The following AKAP6 variants were observed in gnomAD, a reference collection of about 807,000 sequenced individuals.
AKAP6 encodes A-kinase anchor protein 6.
Under a neutral mutation model 188.5 loss-of-function variants are expected in AKAP6, and 58 were observed. The ratio of observed to expected loss-of-function variants is 0.31; its 90% CI spans 0.25 to 0.38. AKAP6 has a LOEUF of 0.38. Among genes scored for constraint, AKAP6 ranks in the 10% least tolerant of loss-of-function variants. AKAP6 has a pLI of 1.00. For missense variants in AKAP6, 2,710 were observed against 2,740.0 expected (o/e 0.99, Z 0.24); for synonymous variants, 989 against 998.6 (o/e 0.99, Z 0.18).
intron 7 of AKAP6, among the ~76,000 whole-genome samples, chr14:32,610,813 A>T (rs1886320632): frequency 6.6e-6 from 1 of 152,214 alleles, no homozygotes; most frequent in Admixed American, 6.6e-5. Context: ...AGCATACAGT[A>T]TCCATGTGTT....
chr14:32,361,090 T>C (rs1156482960), intron 1 of AKAP6, among the ~76,000 whole-genome samples: 1 of 133,550 alleles, frequency 7.5e-6, no homozygotes, highest in East Asian at 2.7e-4. Context: ...CTTTGGAGGG[T>C]CATCTTAGAT....
Position 32,433,551 on chromosome 14 carries a change from G to A in AKAP6, c.58G>A (p.Ala20Thr), listed in dbSNP as rs1318863012. 1.9e-6 allele frequency: 3 copies of A among 1,614,146 alleles called. No individual in the cohort carries two copies. The highest frequency in any genetic ancestry group is 1.7e-5 in the Admixed American group (1 of 60,018). ...GAGGTCACAGGACCTGGATCCCATG[G>A]CTACTGATGCTTCACCCATGGCCAT... ...PLRSQDLDPM[A>T]TDASPMAINM... The change falls in exon 2 of 14, where the codon GCT becomes ACT. Residue 20 changes from alanine to threonine, a missense_variant. This residue lies in a region of AKAP6 where 237 missense variants were observed against 313.9 expected (regional missense o/e 0.76). Transcript: ENST00000280979.
intron 12 of AKAP6, among the ~76,000 whole-genome samples, chr14:32,816,140 A>G (rs534814289): frequency 2.6e-5 from 4 of 152,296 alleles, no homozygotes; most frequent in South Asian, 4.1e-4. Flanking sequence ...CTTAAAAGTT[A>G]TCTTTCCATT....
At chr14:32,435,902 C>A (rs527242371) in intron 2 of AKAP6, among the ~76,000 whole-genome samples, 2 of 152,140 alleles carry the variant, frequency 1.3e-5, no homozygotes, top group East Asian at 3.8e-4. Context: ...CTCTTTTATT[C>A]GTATAATATT....
chr14:32,643,797 A>G (rs1430390589), intron 7 of AKAP6, among the ~76,000 whole-genome samples: 1 of 152,194 alleles, frequency 6.6e-6, no homozygotes, highest in Non-Finnish European at 1.5e-5. Flanking sequence ...GAAAATGGAC[A>G]TGTGAACTGT....
chr14:32,569,782 A>T (rs1053537762), intron 4 of AKAP6, among the ~76,000 whole-genome samples: 2 of 152,178 alleles, frequency 1.3e-5, no homozygotes, highest in African/African-American at 2.4e-5. Flanking sequence ...CCTTATTTAG[A>T]GCCTAAACAA....
rs541719710 is a variant in AKAP6, at chr14:32,464,693, G to A, written c.324+30876G>A. 2.0e-5 allele frequency among the ~76,000 whole-genome samples: 3 copies of A among 152,304 alleles called. No individual in the cohort carries two copies. The East Asian group carries it at 5.8e-4, about 29-fold the overall frequency. ...CCATTTGAAAACCGGCACAAGACAA[G>A]GATGCCCTTTCTCACCACTCCTATT... On this transcript the variant is annotated intron_variant, in intron 2 of 13. Transcript: ENST00000280979.
At chr14:32,599,582 T>C (rs1885839678) in intron 6 of AKAP6, 76 bp downstream of exon 6, 12 of 1,115,486 alleles carry the variant, frequency 1.1e-5, no homozygotes, top group Admixed American at 9.7e-5. Context: ...TGTAAATTAC[T>C]GCATATATTC....
At chr14:32,637,176 A>G (rs1423993431) in intron 7 of AKAP6, among the ~76,000 whole-genome samples, 1 of 152,160 alleles carries the variant, frequency 6.6e-6, no homozygotes, top group African/African-American at 2.4e-5. Context: ...CATAGGGCCT[A>G]GTACGTAGAA....
At position 32,824,322 on chromosome 14, in the gene AKAP6, G is replaced by T. The variant is rs2034619272; in HGVS notation, c.6509G>T (p.Cys2170Phe). 13 of 1,613,816 alleles carry T rather than the reference G, an allele frequency of 8.1e-6. No individual in the cohort carries two copies. The highest frequency in any genetic ancestry group is 1.1e-5 in the Non-Finnish European group (13 of 1,179,896). Residue 2170 changes from cysteine (C) to phenylalanine (F), a missense_variant, in exon 13 of 14, where the codon TGT (cysteine) becomes TTT (phenylalanine). Around this residue, in one of 2 missense-constraint regions of AKAP6, gnomAD observed 2,473 missense variants for 2,426.1 expected, o/e 1.02. Coordinates refer to ENST00000280979, the MANE Select transcript of AKAP6 (RefSeq NM_004274.5). ...VEGDSDGEEP[C>F]FSSAPPNESA... Reference sequence around the variant, plus strand: ...GGTGACTCTGATGGAGAGGAGCCTTGTTTCTCTAGTGCTCCTCCAAATGAA... The same window carrying T: ...GGTGACTCTGATGGAGAGGAGCCTTTTTTCTCTAGTGCTCCTCCAAATGAA...
Position 32,535,775 on chromosome 14 carries a change from T to C in AKAP6, c.546T>C (p.Ile182=). The C allele has an allele frequency of 6.2e-7, 1 of 1,613,438 alleles. No homozygotes were observed. Among genetic ancestry groups the C allele is most frequent in the Non-Finnish European group, 8.5e-7 (1 of 1,179,466 alleles). The change falls in exon 3 of 14, where the codon ATT becomes ATC. Residue 182 remains isoleucine, a synonymous_variant. Transcript: ENST00000280979. ...ANGNYTRQTD[I]LQAFSEETKE... ...GCAACTACACTAGGCAGACGGACAT[T>C]CTGCAAGCTTTCTCTGAAGAGACAA...
chr14:32,356,203 C>T (rs778957758), intron 1 of AKAP6, among the ~76,000 whole-genome samples: 1 of 152,192 alleles, frequency 6.6e-6, no homozygotes, highest in Non-Finnish European at 1.5e-5. Flanking sequence ...TCTCAGACTT[C>T]CTGAATTCTA....
intron 2 of AKAP6, among the ~76,000 whole-genome samples, chr14:32,454,985 A>T (rs141107305): frequency 0.012 from 1,612 of 139,116 alleles, 49 homozygotes; most frequent in African/African-American, 0.042. Context: ...TCTTCCTTTC[A>T]TTCTGGGTCT....
At chr14:32,801,350 A>G (rs1290884014) in intron 12 of AKAP6, among the ~76,000 whole-genome samples, 1 of 152,162 alleles carries the variant, frequency 6.6e-6, no homozygotes, top group East Asian at 1.9e-4. Context: ...AAACATTTTA[A>G]ACAAATCCGA....
intron 1 of AKAP6, among the ~76,000 whole-genome samples, chr14:32,362,318 A>T (rs114433569): frequency 6.6e-6 from 1 of 152,232 alleles, no homozygotes; most frequent in Admixed American, 6.5e-5. Context: ...AAAGTATATC[A>T]TGGGTACCAG....
intron 2 of AKAP6, among the ~76,000 whole-genome samples, chr14:32,524,827 C>T (rs58087246): frequency 0.26 from 39,689 of 152,062 alleles, 5,215 homozygotes; most frequent in Admixed American, 0.31. Context: ...TTTCTGGCTC[C>T]GTGTTTTTCA....
At chr14:32,680,353 G>T (rs910574786) in intron 8 of AKAP6, among the ~76,000 whole-genome samples, 2 of 152,160 alleles carry the variant, frequency 1.3e-5, no homozygotes, top group East Asian at 3.8e-4. Flanking sequence ...GTTATCTGGG[G>T]TGTCCTGCCC....
At chr14:32,761,096 C>A (rs184821430) in intron 11 of AKAP6, among the ~76,000 whole-genome samples, 34 of 152,204 alleles carry the variant, frequency 2.2e-4, no homozygotes, top group Non-Finnish European at 3.8e-4. Context: ...TTATTTTAGA[C>A]GCTATGAAAA....
chr14:32,471,310 G>T (rs1418697294), intron 2 of AKAP6, among the ~76,000 whole-genome samples: 4 of 152,096 alleles, frequency 2.6e-5, no homozygotes, highest in African/African-American at 9.7e-5. Flanking sequence ...CATTATCTCT[G>T]TATTTCTACA....
Sources: allele counts gnomAD v4.1 joint callset (sites outside exome capture counted in the v4.1 genomes callset), GRCh38; gene constraint gnomAD v4.1.1; regional missense constraint gnomAD v4.1.1; transcripts MANE v1.5; gene names NCBI Gene and HGNC (gene_info 2026-07-23, HGNC 2026-07-21).